Variants in POLD3 observed in about 807,000 individuals in gnomAD.
POLD3 encodes DNA polymerase delta 3, accessory subunit.
POLD3 carries 19 observed loss-of-function variants against 58.2 expected under a neutral mutation model. The ratio of observed to expected loss-of-function variants is 0.33; its 90% CI spans 0.23 to 0.48. POLD3 has a LOEUF of 0.48. Among genes scored for constraint, POLD3 ranks in the 20% least tolerant of loss-of-function variants. The pLI is 0.99. For missense variants in POLD3, 504 were observed against 545.5 expected (o/e 0.92, Z 0.76); for synonymous variants, 172 against 193.5 (o/e 0.89, Z 0.92).
rs372895740 is a variant in POLD3 at position 74,595,750 on chromosome 11, C to T, written c.116+1634C>T. The stretch of plus-strand genomic sequence containing the variant: ...TTCCCACCTCAGCCTCCCGAGTAGC[C>T]GGGACTACAGGTGCGTGCCACCACA... On this transcript the variant is annotated intron_variant, in intron 2 of 11. Transcript: ENST00000263681. Among the ~76,000 whole-genome samples, 131 of 152,126 alleles carry T rather than the reference C, an allele frequency of 8.6e-4. 1 individual carries two copies. The Middle Eastern group carries it at 0.024, about 28-fold the overall frequency.
chr11:74,660,967 A>G (rs1292563443), intron 4 of POLD3, among the ~76,000 whole-genome samples: 1 of 151,856 alleles, frequency 6.6e-6, no homozygotes, highest in African/African-American at 2.4e-5. Context: ...CTGCTTGGTC[A>G]ATTCTACTAT....
intron 4 of POLD3, among the ~76,000 whole-genome samples, chr11:74,650,607 C>G (rs1423384550): frequency 6.6e-6 from 1 of 152,200 alleles, no homozygotes; most frequent in Admixed American, 6.5e-5. Flanking sequence ...ATAGTCACGC[C>G]TGCAGTTTGA....
At chr11:74,615,550 T>C (rs549225220) in intron 5 of POLD3, among the ~76,000 whole-genome samples, 3 of 152,306 alleles carry the variant, frequency 2.0e-5, no homozygotes, top group Admixed American at 6.5e-5. Context: ...ACAGCAAATA[T>C]GGACAGCTCT....
At chr11:74,601,052 T>C (rs1021887977) in intron 2 of POLD3, among the ~76,000 whole-genome samples, 1 of 152,160 alleles carries the variant, frequency 6.6e-6, no homozygotes, top group African/African-American at 2.4e-5. Flanking sequence ...GAGTTTGCTT[T>C]GCATTTTCTG....
rs188927586 is a variant in POLD3, at chr11:74,614,169, C to G, written c.392+1159C>G. Among the ~76,000 whole-genome samples the G allele has an allele frequency of 1.1e-4, 16 of 152,338 alleles. No homozygotes were observed. The East Asian group carries it at 3.1e-3, about 29-fold the overall frequency. On this transcript the variant is annotated intron_variant, in intron 5 of 11. Coordinates refer to ENST00000263681, the MANE Select transcript of POLD3 (RefSeq NM_006591.3). ...GACTACTAGGATAAAAATTTAGACT[C>G]TATTCTGAGAGCGCTGGGGAGCCAC...
At chr11:74,596,095 G>A (rs1554973350) in intron 2 of POLD3, among the ~76,000 whole-genome samples, 1 of 142,604 alleles carries the variant, frequency 7.0e-6, no homozygotes, top group Non-Finnish European at 1.5e-5. Context: ...TCAAACTCCT[G>A]ACCTCAAGTG....
intron 3 of POLD3, among the ~76,000 whole-genome samples, chr11:74,609,765 T>A (rs1322508918): frequency 6.6e-6 from 1 of 152,198 alleles, no homozygotes; most frequent in African/African-American, 2.4e-5. Flanking sequence ...TGCAAACTAT[T>A]TTACACTCTG....
intron 4 of POLD3, among the ~76,000 whole-genome samples, chr11:74,649,061 A>C (rs895672756): frequency 1.3e-5 from 2 of 152,116 alleles, no homozygotes; most frequent in African/African-American, 4.8e-5. Flanking sequence ...TAGTTAAACC[A>C]TGGAGATGGG....
At chr11:74,637,575 A>G (rs1256417183) in intron 11 of POLD3, among the ~76,000 whole-genome samples, 1 of 151,888 alleles carries the variant, frequency 6.6e-6, no homozygotes, top group African/African-American at 2.4e-5. Flanking sequence ...AGAGGACAAA[A>G]ACATTGGTGC....
downstream of POLD3, among the ~76,000 whole-genome samples, chr11:74,644,684 C>T (rs2032978469): frequency 1.3e-5 from 2 of 152,162 alleles, no homozygotes; most frequent in South Asian, 2.1e-4. Context: ...TCTACAATTC[C>T]CCTTCTACTT....
At chr11:74,657,734 C>T (rs1219385793) in intron 4 of POLD3, among the ~76,000 whole-genome samples, 1 of 152,186 alleles carries the variant, frequency 6.6e-6, no homozygotes, top group Non-Finnish European at 1.5e-5. Flanking sequence ...CTTACTATTA[C>T]CAGTGAGTTT....
chr11:74,625,356 T>C, intron 7 of POLD3, 52 bp from the exon 8 acceptor site: 1 of 1,408,126 alleles, frequency 7.1e-7, no homozygotes, highest in Non-Finnish European at 9.8e-7. Context: ...AAGAATGATG[T>C]ATTAATATTG....
chr11:74,619,296 G>A (rs2032177353), intron 6 of POLD3, among the ~76,000 whole-genome samples: 1 of 151,994 alleles, frequency 6.6e-6, no homozygotes, highest in Non-Finnish European at 1.5e-5. Context: ...TAACTCAAGG[G>A]CATTGACTTA....
chr11:74,656,744 G>GT (rs60280704), intron 4 of POLD3, among the ~76,000 whole-genome samples: 110 of 147,412 alleles, frequency 7.5e-4, no homozygotes, highest in African/African-American at 1.9e-3. Flanking sequence ...ATATTTCAGG[G>GT]TTTTTTTTTT....
At chr11:74,600,564 G>A (rs2031453697) in intron 2 of POLD3, among the ~76,000 whole-genome samples, 1 of 151,960 alleles carries the variant, frequency 6.6e-6, no homozygotes, top group Admixed American at 6.5e-5. Flanking sequence ...GAACCTAGGA[G>A]GCAGACATGG....
intron 3 of POLD3, among the ~76,000 whole-genome samples, chr11:74,605,561 C>A (rs958766401): frequency 5.3e-5 from 8 of 152,140 alleles, no homozygotes; most frequent in Non-Finnish European, 4.4e-5. Flanking sequence ...AAAAGTAAGG[C>A]ATACCTCTTC....
chr11:74,668,824 G>T (rs769282323), exon 5 of POLD3: 3 of 1,278,696 alleles, frequency 2.3e-6, no homozygotes, highest in Non-Finnish European at 3.1e-6. Context: ...GGAGCATTAC[G>T]TGGAAATGCC....
Position 74,642,799 on chromosome 11 carries a change from G to A in POLD3, c.*2033G>A, listed in dbSNP as rs2032947936. ...ACAGTGTTGCAATTATTTAAGCTCT[G>A]AATGGGAAGAAGGCTGGTTTTCAGT... On this transcript the variant is annotated 3_prime_UTR_variant, in exon 12 of 12. Transcript: ENST00000263681. 1.0e-6 allele frequency: 1 copy of A among 985,208 alleles called. No homozygotes were observed. Among genetic ancestry groups the A allele is most frequent in the Admixed American group, 6.2e-5 (1 of 16,258 alleles). 61.0% of individuals were successfully genotyped at this position (985,208 alleles called of 1,614,324 possible). A position where few individuals can be genotyped will look rare whatever the true frequency, so the allele number is the denominator to read the frequency against.
At chr11:74,624,082 G>C (rs998129007) in intron 7 of POLD3, among the ~76,000 whole-genome samples, 5 of 152,122 alleles carry the variant, frequency 3.3e-5, no homozygotes, top group African/African-American at 1.2e-4. Context: ...TTCTCCTAAT[G>C]ATGCAATTTT....
Sources: gnomAD v4.1 joint callset for allele counts (sites outside exome capture counted in the v4.1 genomes callset) on GRCh38, gnomAD v4.1.1 for gene constraint, MANE v1.5 for transcripts, NCBI Gene and HGNC (gene_info 2026-07-23, HGNC 2026-07-21) for gene names.